The following EPS8L3 variants were observed in gnomAD, a reference collection of about 807,000 sequenced individuals.
EPS8L3 encodes epidermal growth factor receptor kinase substrate 8-like protein 3.
EPS8L3 carries 80 observed loss-of-function variants against 88.5 expected under a neutral mutation model. That is an observed-to-expected ratio of 0.90 (90% CI 0.75 to 1.09). EPS8L3 has a LOEUF of 1.09. EPS8L3 is among the 50% of genes least tolerant of loss of function. The probability of loss-of-function intolerance (pLI) is 0.00; values close to 1 mark genes in which losing one functional copy is unlikely to be tolerated. For synonymous variants in EPS8L3, 286 were observed against 291.0 expected (o/e 0.98, Z 0.18); for missense variants, 721 against 735.2 (o/e 0.98, Z 0.22).
intron 6 of EPS8L3, 145 bp from the exon 7 acceptor site, chr1:109,758,808 C>CCCCTGCCTCCA: frequency 1.5e-6 from 1 of 657,298 alleles, no homozygotes; most frequent in South Asian, 2.8e-5. Flanking sequence ...TCTGGACCCA[C>CCCCTGCCTCCA]CCCTGACTCC....
chr1:109,754,594 A>T (rs1048306827), intron 12 of EPS8L3, among the ~76,000 whole-genome samples: 2 of 152,240 alleles, frequency 1.3e-5, no homozygotes, highest in African/African-American at 4.8e-5. Flanking sequence ...CTTCGTGGGT[A>T]TTTAAAAAAT....
Position 109,759,593 on chromosome 1 carries a change from G to C in EPS8L3, c.255+85C>G. 6.5e-7 allele frequency: 1 copy of C among 1,529,744 alleles called. No homozygotes were observed. The highest frequency in any genetic ancestry group is 1.2e-5 in the South Asian group (1 of 80,064). 94.8% of individuals were successfully genotyped at this position (1,529,744 alleles called of 1,614,324 possible). On this transcript the variant is annotated intron_variant, in intron 4 of 18. Coordinates refer to ENST00000361965, the MANE Select transcript of EPS8L3 (RefSeq NM_133181.4). The surrounding 1 kb of genome is among the most constrained non-coding windows in gnomAD (Gnocchi z 4.2). ...ATGTGGGGAGAGTGGCTGCCCTTTG[G>C]GGCATGGAGGGTGGAGTTCAAGAGC...
chr1:109,755,484 A>C (rs1378891591), intron 12 of EPS8L3, among the ~76,000 whole-genome samples: 1 of 152,210 alleles, frequency 6.6e-6, no homozygotes, highest in Non-Finnish European at 1.5e-5. Context: ...CTGGACACAA[A>C]ATTTTGTAAA....
In EPS8L3 at chr1:109,759,086, G is replaced by A. The variant is rs1279556876; in HGVS notation, c.437C>T (p.Ala146Val). ...CCTTTGCTCCAGCTCTTCCTCCAGA[G>A]CCTTCTGCAGGCTGGTCTTCAGTCG... ...AERLKTSLQK[A>V]LEEELEQRPR... The change falls in exon 6 of 19, where the codon GCT becomes GTT. Residue 146 changes from alanine to valine, a missense_variant. Transcript: ENST00000361965. This position sits in a 1 kb window ranked among gnomAD's most constrained non-coding sequence, Gnocchi z 4.2. The A allele has an allele frequency of 6.2e-7, 1 of 1,609,298 alleles. No individual in the cohort carries two copies. The highest frequency in any genetic ancestry group is 1.3e-5 in the African/African-American group (1 of 74,822).
chr1:109,755,808 G>A (rs1336329662), intron 12 of EPS8L3, among the ~76,000 whole-genome samples: 2 of 152,158 alleles, frequency 1.3e-5, no homozygotes, highest in South Asian at 4.1e-4. Context: ...GTGACAGAGC[G>A]AGACCTTGTC....
rs1649710721 is a variant in EPS8L3 at position 109,750,746 on chromosome 1, T to C, written c.1684A>G (p.Ile562Val). ...GSLTGSQLLR[I>V]RPGELQMLCP... ...AGCATCTGTAGCTCCCCAGGTCTTA[T>C]GCGAAGTAGCTGGCTCCCCGTCAGG... Residue 562 changes from isoleucine (I) to valine (V), a missense_variant, in exon 18 of 19, where the codon ATA (isoleucine) becomes GTA (valine). Coordinates refer to ENST00000361965, the MANE Select transcript of EPS8L3 (RefSeq NM_133181.4). The C allele has an allele frequency of 6.2e-7, 1 of 1,614,106 alleles. No homozygotes were observed. Among genetic ancestry groups the C allele is most frequent in the South Asian group, 1.1e-5 (1 of 91,088 alleles).
rs756872955 is a variant in EPS8L3 at position 109,757,463 on chromosome 1, T to G, written c.969+18A>C. On this transcript the variant is annotated intron_variant, in intron 11 of 18. Transcript: ENST00000361965. Reference sequence around the variant, plus strand: ...TTCAGCCTGTCCGTCTTCACCACCCTGTCGTCCCTTGACTCACGAAGTTCA... The same window carrying G: ...TTCAGCCTGTCCGTCTTCACCACCCGGTCGTCCCTTGACTCACGAAGTTCA... The G allele has an allele frequency of 1.9e-6, 3 of 1,610,642 alleles. No homozygotes were observed. The highest frequency in any genetic ancestry group is 1.1e-5 in the South Asian group (1 of 91,006).
In EPS8L3 at chr1:109,753,151, G is replaced by A. The variant is rs1382637173; in HGVS notation, c.1166C>T (p.Ser389Leu). Residue 389 changes from serine (S) to leucine (L), a missense_variant, in exon 13 of 19, where the codon TCA (serine) becomes TTA (leucine). Coordinates refer to ENST00000361965, the MANE Select transcript of EPS8L3 (RefSeq NM_133181.4). ...GGGCTCTGGAAGTTGCCAGTCATCT[G>A]AGAATGTGGGTTGGTAGGGCAGGGG... ...DEPLPYQPTFSDDWQLPEPSS... is the reference protein window; with the variant it reads ...DEPLPYQPTFLDDWQLPEPSS... 1.5e-5 allele frequency: 24 copies of A among 1,613,270 alleles called. No homozygotes were observed. The highest frequency in any genetic ancestry group is 2.7e-5 in the African/African-American group (2 of 74,898).
chr1:109,758,188 C>T, intron 8 of EPS8L3, 128 bp downstream of exon 8: 3 of 1,286,452 alleles, frequency 2.3e-6, no homozygotes, highest in East Asian at 4.6e-5. Flanking sequence ...AAACAAGCCT[C>T]TCTGGCCTCC....
intron 6 of EPS8L3, 122 bp from the exon 7 acceptor site, chr1:109,758,785 T>C (rs1290115209): frequency 5.5e-6 from 7 of 1,278,344 alleles, no homozygotes; most frequent in Non-Finnish European, 7.3e-6. Context: ...CACCCCCTGC[T>C]CCCTGGTCTC....
rs1277963304 is a variant in EPS8L3 at position 109,759,029 on chromosome 1, G to T, written c.461+33C>A. The T allele has an allele frequency of 2.5e-6, 4 of 1,574,696 alleles. No individual in the cohort carries two copies. The African/African-American group carries it at 4.0e-5, about 16-fold the overall frequency. On this transcript the variant is annotated intron_variant, in intron 6 of 18. Coordinates refer to ENST00000361965, the MANE Select transcript of EPS8L3 (RefSeq NM_133181.4). The surrounding 1 kb of genome is among the most constrained non-coding windows in gnomAD (Gnocchi z 4.2). ...CTGGCCCCCGAGGCTGAGCTGGGAG[G>T]CCCCATAGGTGGGCTGGGCAGAGGC... is the stretch of plus-strand genomic sequence containing the variant.
chr1:109,753,200 T>C lies in EPS8L3; in HGVS notation c.1119-2A>G. 1 of 1,602,154 alleles carries C rather than the reference T, an allele frequency of 6.2e-7. No individual in the cohort carries two copies. Reference sequence around the variant, plus strand: ...GGCTCATCGCCTGTCCAGTCGGCCCTGAAGAGGGAAACAAAGCTGAGTTCA... The same window carrying C: ...GGCTCATCGCCTGTCCAGTCGGCCCCGAAGAGGGAAACAAAGCTGAGTTCA... On this transcript the variant is annotated splice_acceptor_variant, in intron 12 of 18. Transcript: ENST00000361965. LOFTEE classifies it high-confidence loss of function.
Position 109,752,645 on chromosome 1 carries a change from C to T in EPS8L3, c.1235+41G>A, listed in dbSNP as rs535049214. 6 of 1,539,686 alleles carry T rather than the reference C, an allele frequency of 3.9e-6. No homozygotes were observed. The African/African-American group carries it at 4.1e-5, about 11-fold the overall frequency. On this transcript the variant is annotated intron_variant, in intron 14 of 18. Transcript: ENST00000361965. Reference sequence around the variant, plus strand: ...TCCAAAGGAACAGCCCTGTCCCTCCCTCCCCAGGACCACGCAGTCCCTATT... The same window carrying T: ...TCCAAAGGAACAGCCCTGTCCCTCCTTCCCCAGGACCACGCAGTCCCTATT...
rs1443633602 is a variant in EPS8L3 at position 109,758,602 on chromosome 1, G to A, written c.523C>T (p.Pro175Ser). ...DRWRGPAMER[P>S]LPMEQARYLE... ...TAGCGTGCCTGCTCCATAGGGAGCGGCCTTTCCATAGCAGGCCCCCTCCAT... is the reference window on the plus strand; with the variant it reads ...TAGCGTGCCTGCTCCATAGGGAGCGACCTTTCCATAGCAGGCCCCCTCCAT... Residue 175 changes from proline to serine, a missense_variant, in exon 7 of 19, where the codon CCG (proline) becomes TCG (serine). Physicochemically the swap from Pro to Ser is moderately conservative, Grantham distance 74. Coordinates refer to ENST00000361965, the MANE Select transcript of EPS8L3 (RefSeq NM_133181.4). 1 of 1,613,110 alleles carries A rather than the reference G, an allele frequency of 6.2e-7. No homozygotes were observed. Among genetic ancestry groups the A allele is most frequent in the Non-Finnish European group, 8.5e-7 (1 of 1,179,474 alleles).
intron 12 of EPS8L3, among the ~76,000 whole-genome samples, chr1:109,755,366 T>G (rs1557992091): frequency 6.6e-6 from 1 of 152,236 alleles, no homozygotes. Context: ...CACTGAATTA[T>G]ACACTTAAAA....
rs561101553 is a variant in EPS8L3 at position 109,750,351 on chromosome 1, A to G, written c.*40T>C. 1.3e-5 allele frequency: 21 copies of G among 1,612,868 alleles called. No homozygotes were observed. The highest frequency in any genetic ancestry group is 2.2e-5 in the East Asian group (1 of 44,884). On this transcript the variant is annotated 3_prime_UTR_variant, in exon 19 of 19. Coordinates refer to ENST00000361965, the MANE Select transcript of EPS8L3 (RefSeq NM_133181.4). ...ATGGGTATCAGATCTGCCATCTTGC[A>G]TCAGCGGGGCCTGGTTCTTGGAGGT...
At chr1:109,756,901 G>A in intron 12 of EPS8L3, 116 bp downstream of exon 12, 1 of 1,345,780 alleles carries the variant, frequency 7.4e-7, no homozygotes, top group Non-Finnish European at 1.0e-6. Context: ...AGTCCCCCAA[G>A]TAGCTCTGAA....
At position 109,761,706 on chromosome 1, in the gene EPS8L3, G is replaced by T. The variant is rs1429418224; in HGVS notation, c.31+13C>A. 3 of 1,613,814 alleles carry T rather than the reference G, an allele frequency of 1.9e-6. No individual in the cohort carries two copies. The highest frequency in any genetic ancestry group is 2.5e-6 in the Non-Finnish European group (3 of 1,179,952). ...GTGGGAGGGCACGGGAGAGGGGCCT[G>T]CCAGGAGCTTACAGTAAATGGCTCT... is the stretch of plus-strand genomic sequence containing the variant. On this transcript the variant is annotated intron_variant, in intron 2 of 18. Transcript: ENST00000361965.
intron 6 of EPS8L3, 145 bp downstream of exon 6, chr1:109,758,917 C>A (rs989521776): frequency 3.2e-6 from 3 of 939,764 alleles, no homozygotes; most frequent in Non-Finnish European, 3.2e-6. Context: ...CTTGCCTATG[C>A]CCACCTCTGT....
Sources: allele counts gnomAD v4.1 joint callset (sites outside exome capture counted in the v4.1 genomes callset), GRCh38; gene constraint gnomAD v4.1.1; non-coding constraint Gnocchi (gnomAD v3.1); transcripts MANE v1.5; gene names NCBI Gene and HGNC (gene_info 2026-07-23, HGNC 2026-07-21).